LHFPL6: variants seen among roughly 807,000 people sequenced by gnomAD.
LHFPL6 encodes the protein LHFPL tetraspan subfamily member 6 protein.
In LHFPL6, 9 loss-of-function variants were observed where a neutral mutation model predicts 20.6. The ratio of observed to expected loss-of-function variants is 0.44; its 90% CI spans 0.26 to 0.76. The LOEUF (loss-of-function observed/expected upper bound fraction) is 0.76, where lower values mean the gene tolerates loss of function less well. Ranked by LOEUF, LHFPL6 falls within the 30% of genes least tolerant of loss-of-function variation. The pLI is 0.20. For synonymous variants in LHFPL6, 105 were observed against 98.7 expected (o/e 1.06, Z -0.38); for missense variants, 218 against 253.5 (o/e 0.86, Z 0.95).
chr13:39,519,764 C>T (rs1237997165), intron 2 of LHFPL6, among the ~76,000 whole-genome samples: 2 of 152,010 alleles, frequency 1.3e-5, no homozygotes, highest in Non-Finnish European at 2.9e-5. Flanking sequence ...AAAGAGTGGG[C>T]ACCTGCAAAT....
At chr13:39,565,747 C>T (rs1357384332) in intron 2 of LHFPL6, among the ~76,000 whole-genome samples, 1 of 152,212 alleles carries the variant, frequency 6.6e-6, no homozygotes, top group Non-Finnish European at 1.5e-5. Flanking sequence ...AAACTGAGAA[C>T]TATTTGCATG....
chr13:39,592,928 C>T (rs184870792), intron 2 of LHFPL6, among the ~76,000 whole-genome samples: 16 of 152,324 alleles, frequency 1.1e-4, no homozygotes, highest in Non-Finnish European at 2.1e-4. Context: ...AACAACCCTT[C>T]ATGCTAAAAA....
chr13:39,445,510 G>A (rs909500776), intron 2 of LHFPL6, among the ~76,000 whole-genome samples: 2 of 152,196 alleles, frequency 1.3e-5, no homozygotes, highest in Non-Finnish European at 2.9e-5. Context: ...TCTTAGTATA[G>A]AACAGATTTC....
chr13:39,515,493 T>C (rs1334333640), intron 2 of LHFPL6, among the ~76,000 whole-genome samples: 2 of 152,228 alleles, frequency 1.3e-5, no homozygotes, highest in Non-Finnish European at 2.9e-5. Context: ...CATTTGCCCT[T>C]ATTGCTAGAT....
intron 2 of LHFPL6, among the ~76,000 whole-genome samples, chr13:39,596,144 GTATC>G (rs1420720043): frequency 6.6e-6 from 1 of 151,966 alleles, no homozygotes; most frequent in Non-Finnish European, 1.5e-5. Context: ...ATATATGTAT[GTATC>G]TATATATAAT....
At chr13:39,421,630 T>C (rs1006505499) in intron 2 of LHFPL6, among the ~76,000 whole-genome samples, 14 of 152,100 alleles carry the variant, frequency 9.2e-5, no homozygotes, top group African/African-American at 3.4e-4. Context: ...GGTGGACAAG[T>C]TCAAGGTTCC....
intron 2 of LHFPL6, among the ~76,000 whole-genome samples, chr13:39,563,697 G>A (rs1264640433): frequency 1.3e-5 from 2 of 152,090 alleles, no homozygotes; most frequent in African/African-American, 4.8e-5. Flanking sequence ...TAGGGTGATT[G>A]GGAGGTTTTT....
At chr13:39,591,244 T>C (rs1872582908) in intron 2 of LHFPL6, among the ~76,000 whole-genome samples, 1 of 152,180 alleles carries the variant, frequency 6.6e-6, no homozygotes, top group Non-Finnish European at 1.5e-5. Flanking sequence ...CCAGAACATG[T>C]AGCAGCAACA....
At chr13:39,480,929 G>A (rs1431915986) in intron 2 of LHFPL6, among the ~76,000 whole-genome samples, 1 of 152,122 alleles carries the variant, frequency 6.6e-6, no homozygotes, top group East Asian at 1.9e-4. Context: ...AGTGAATTAT[G>A]ACATATTCAT....
rs74044079 is a variant in LHFPL6, at chr13:39,484,920, C to T, written c.386-106394G>A. ...TCTTCAGAAGGACTGATGGACTTTT[C>T]CCCCCTTCCTTGAATAGCCAGAAGA... On this transcript the variant is annotated intron_variant, in intron 2 of 3. Transcript: ENST00000379589. Among the ~76,000 whole-genome samples, 584 of 152,180 alleles carry T rather than the reference C, an allele frequency of 3.8e-3. 5 individuals carry two copies. The highest frequency in any genetic ancestry group is 0.013 in the African/African-American group (536 of 41,532).
chr13:39,402,766 G>C (rs1014115810), intron 2 of LHFPL6, among the ~76,000 whole-genome samples: 2 of 152,202 alleles, frequency 1.3e-5, no homozygotes, highest in South Asian at 2.1e-4. Context: ...AATGGAGAAG[G>C]CTTCATAAAT....
At position 39,360,010 on chromosome 13, in the gene LHFPL6, ATTTTG is replaced by A. The variant is rs562549417; in HGVS notation, c.485-15961_485-15957del. On this transcript the variant is annotated intron_variant, in intron 3 of 3. Transcript: ENST00000379589. Reference sequence around the variant, plus strand: ...CACTTCAACAGAAAGAGGAGACAGGATTTTGTTTTGTTTTGTTTTGTTTTGTTTTT... The same window carrying A: ...CACTTCAACAGAAAGAGGAGACAGGATTTTGTTTTGTTTTGTTTTGTTTTT... Among the ~76,000 whole-genome samples, 1,138 of 151,450 alleles carry A rather than the reference ATTTTG, an allele frequency of 7.5e-3. 19 individuals are homozygous for A. The highest frequency in any genetic ancestry group is 0.026 in the African/African-American group (1,070 of 41,214).
At chr13:39,378,362 T>C (rs1236629179) in intron 3 of LHFPL6, 66 bp downstream of exon 3, 1 of 1,344,086 alleles carries the variant, frequency 7.4e-7, no homozygotes, top group African/African-American at 1.4e-5. Flanking sequence ...TTCCACTTTC[T>C]GCTTCTATGA....
intron 2 of LHFPL6, among the ~76,000 whole-genome samples, chr13:39,521,929 C>T (rs1300438059): frequency 2.0e-5 from 3 of 152,138 alleles, no homozygotes; most frequent in African/African-American, 7.2e-5. Flanking sequence ...AATGGAATCC[C>T]GAATGAAAGT....
intron 2 of LHFPL6, among the ~76,000 whole-genome samples, chr13:39,411,551 A>G (rs1307415865): frequency 1.3e-5 from 2 of 152,154 alleles, no homozygotes; most frequent in African/African-American, 4.8e-5. Flanking sequence ...TCCTGCCCTT[A>G]TAATAGTGTT....
chr13:39,569,453 C>T (rs1566144115), intron 2 of LHFPL6, among the ~76,000 whole-genome samples: 1 of 152,034 alleles, frequency 6.6e-6, no homozygotes, highest in Non-Finnish European at 1.5e-5. Context: ...TTTGGAAATA[C>T]AGGTCAATAA....
intron 3 of LHFPL6, among the ~76,000 whole-genome samples, chr13:39,352,867 A>ATATATATACAAATGTATATATATGTG (rs1869609172): frequency 1.3e-5 from 1 of 75,396 alleles, no homozygotes; most frequent in Non-Finnish European, 2.4e-5. Context: ...ATATATGTGT[A>ATATATATACAAATGTATATATATGTG]TATATATATA....
intron 2 of LHFPL6, among the ~76,000 whole-genome samples, chr13:39,492,154 G>A (rs1325997528): frequency 3.3e-5 from 5 of 152,156 alleles, no homozygotes; most frequent in Non-Finnish European, 7.3e-5. Context: ...TGAGTACATT[G>A]TGAATATGAA....
chr13:39,355,756 A>T (rs1869708978), intron 3 of LHFPL6, among the ~76,000 whole-genome samples: 2 of 152,242 alleles, frequency 1.3e-5, no homozygotes, highest in Admixed American at 1.3e-4. Context: ...AATAAAACAG[A>T]CTTCAAACCA....
Sources: allele counts gnomAD v4.1 joint callset (sites outside exome capture counted in the v4.1 genomes callset), GRCh38; gene constraint gnomAD v4.1.1; transcripts MANE v1.5; gene names NCBI Gene and HGNC (gene_info 2026-07-23, HGNC 2026-07-21).